CXADR: variants seen among roughly 807,000 people sequenced by gnomAD.
CXADR encodes the protein coxsackievirus and adenovirus receptor.
A neutral mutation model predicts 40.3 loss-of-function variants in CXADR; 20 were observed. The observed-to-expected ratio is 0.50, with a 90% CI of 0.35 to 0.72. The LOEUF (loss-of-function observed/expected upper bound fraction) is 0.72, where lower values mean the gene tolerates loss of function less well. CXADR is among the 30% of genes least tolerant of loss of function. The pLI, the probability that CXADR is intolerant of heterozygous loss-of-function variation, is 0.01. For missense variants in CXADR, 332 were observed against 449.1 expected (o/e 0.74, Z 2.36); for synonymous variants, 150 against 161.3 (o/e 0.93, Z 0.53).
At chr21:17,587,948 A>G (rs1381555231) in intron 7 of CXADR, among the ~76,000 whole-genome samples, 1 of 152,198 alleles carries the variant, frequency 6.6e-6, no homozygotes, top group African/African-American at 2.4e-5. Context: ...AGCTTTCTAT[A>G]TATGGCTAGC....
intron 1 of CXADR, among the ~76,000 whole-genome samples, chr21:17,529,811 A>G (rs769673327): frequency 1.3e-5 from 2 of 152,222 alleles, no homozygotes; most frequent in Non-Finnish European, 2.9e-5. Context: ...TTATAAACGT[A>G]CAGGGTAGAG....
chr21:17,513,517 C>G (rs947421405), intron 1 of CXADR, among the ~76,000 whole-genome samples: 1 of 152,232 alleles, frequency 6.6e-6, no homozygotes, highest in Non-Finnish European at 1.5e-5. Context: ...TTGCTCTCGC[C>G]GTCTCCCTTG....
chr21:17,553,265 A>C (rs752032914), intron 3 of CXADR, among the ~76,000 whole-genome samples: 1 of 152,230 alleles, frequency 6.6e-6, no homozygotes, highest in Admixed American at 6.5e-5. Flanking sequence ...TACTCCTCCT[A>C]CAAGTAGACC....
intron 1 of CXADR, among the ~76,000 whole-genome samples, chr21:17,530,195 C>G (rs1348364008): frequency 6.9e-6 from 1 of 145,492 alleles, no homozygotes; most frequent in Non-Finnish European, 1.5e-5. Flanking sequence ...CTCTTGACCT[C>G]AAGTGATCAA....
the CXADR span, among the ~76,000 whole-genome samples, chr21:17,621,586 G>A: frequency 2.0e-5 from 3 of 152,200 alleles, no homozygotes; most frequent in African/African-American, 7.2e-5. Context: ...ACCTTTAGAA[G>A]GTAATTAGGC....
the CXADR span, among the ~76,000 whole-genome samples, chr21:17,611,485 C>T: frequency 6.6e-6 from 1 of 152,106 alleles, no homozygotes; most frequent in African/African-American, 2.4e-5. Context: ...TTGTTTTCCC[C>T]GTTTGAAGAA....
chr21:17,568,888 G>A lies in CXADR; in HGVS notation c.*3196G>A, dbSNP rs2061249946. On this transcript the variant is annotated 3_prime_UTR_variant, in exon 7 of 7. Transcript: ENST00000284878. ...CTATCTGCCATGGACTTTCTAAAAT[G>A]GAAACACAGCCTGAGTGTATCTTAG... The A allele has an allele frequency of 3.0e-6, 3 of 984,934 alleles. No individual in the cohort carries two copies. The South Asian group carries it at 1.4e-4, about 46-fold the overall frequency. The allele number at this position is 984,934 out of a possible 1,614,324, so 61.0% of individuals were successfully genotyped here. A position where few individuals can be genotyped will look rare whatever the true frequency, so the allele number is the denominator to read the frequency against.
chr21:17,560,881 T>A, intron 5 of CXADR, 57 bp downstream of exon 5: 4 of 1,599,442 alleles, frequency 2.5e-6, no homozygotes, highest in Non-Finnish European at 3.4e-6. Flanking sequence ...TACCACCTCC[T>A]TTAGTTCAGT....
chr21:17,590,980 A>ATTT (rs2061430866), intron 7 of CXADR, among the ~76,000 whole-genome samples: 1 of 152,040 alleles, frequency 6.6e-6, no homozygotes, highest in Non-Finnish European at 1.5e-5. Context: ...AACTTGGCCA[A>ATTT]AGATTTATTA....
At chr21:17,603,458 G>A in the CXADR span, among the ~76,000 whole-genome samples, 3 of 152,074 alleles carry the variant, frequency 2.0e-5, no homozygotes, top group Non-Finnish European at 2.9e-5. Flanking sequence ...AACCTCAAGC[G>A]GTGGTCCTGA....
the CXADR span, among the ~76,000 whole-genome samples, chr21:17,631,862 A>G: frequency 1.4e-4 from 21 of 152,334 alleles, 1 homozygote; most frequent in South Asian, 3.7e-3. Flanking sequence ...GGCTTAAAAA[A>G]TGCTTGAATT....
chr21:17,628,060 T>C, the CXADR span, among the ~76,000 whole-genome samples: 1 of 152,182 alleles, frequency 6.6e-6, no homozygotes, highest in African/African-American at 2.4e-5. Flanking sequence ...CACAAACAAA[T>C]CAATACTCAA....
At chr21:17,538,775 G>A (rs1476987847) in intron 1 of CXADR, among the ~76,000 whole-genome samples, 1 of 152,152 alleles carries the variant, frequency 6.6e-6, no homozygotes, top group African/African-American at 2.4e-5. Flanking sequence ...CCTTGGTTGT[G>A]CCACAGCACT....
chr21:17,574,222 A>G (rs937410992), downstream of CXADR, among the ~76,000 whole-genome samples: 2 of 152,198 alleles, frequency 1.3e-5, no homozygotes, highest in African/African-American at 4.8e-5. Flanking sequence ...TTGCTTCTTC[A>G]ATTTTGATAA....
At chr21:17,601,042 A>T in the CXADR span, among the ~76,000 whole-genome samples, 1 of 152,154 alleles carries the variant, frequency 6.6e-6, no homozygotes, top group South Asian at 2.1e-4. Context: ...GTGCGCCTGT[A>T]ATCCCAGCTA....
chr21:17,580,725 A>G (rs914287863), intron 7 of CXADR, among the ~76,000 whole-genome samples: 2 of 152,110 alleles, frequency 1.3e-5, no homozygotes, highest in Non-Finnish European at 2.9e-5. Flanking sequence ...TGGCATATAC[A>G]TGTATTTTTT....
the CXADR span, chr21:17,612,414 A>T: frequency 6.6e-6 from 1 of 152,244 alleles, no homozygotes; most frequent in African/African-American, 2.4e-5. Flanking sequence ...GGCGGAATGT[A>T]ACGCGCTGTG....
chr21:17,586,136 G>A (rs1262927999), intron 7 of CXADR, among the ~76,000 whole-genome samples: 2 of 151,914 alleles, frequency 1.3e-5, no homozygotes, highest in African/African-American at 4.8e-5. Flanking sequence ...TCAATTTATA[G>A]TTCCCTCGTC....
chr21:17,617,570 C>G, the CXADR span, among the ~76,000 whole-genome samples: 1 of 152,222 alleles, frequency 6.6e-6, no homozygotes, highest in African/African-American at 2.4e-5. Context: ...AAGTCACACA[C>G]TTTTTGATTT....
Sources: gnomAD v4.1 joint callset for allele counts (sites outside exome capture counted in the v4.1 genomes callset) on GRCh38, gnomAD v4.1.1 for gene constraint, MANE v1.5 for transcripts, NCBI Gene and HGNC (gene_info 2026-07-23, HGNC 2026-07-21) for gene names.